Variants in NRXN3 observed in about 807,000 individuals in gnomAD.
NRXN3 encodes the protein neurexin III.
A neutral mutation model predicts 137.6 loss-of-function variants in NRXN3; 32 were observed. The ratio of observed to expected loss-of-function variants is 0.23; its 90% confidence interval spans 0.18 to 0.31. The LOEUF (loss-of-function observed/expected upper bound fraction) is 0.31, where lower values mean the gene tolerates loss of function less well. Among genes scored for constraint, NRXN3 ranks in the 10% least tolerant of loss-of-function variants. NRXN3 has a pLI of 1.00. For missense variants in NRXN3, 1,574 were observed against 2,062.5 expected, an observed-to-expected ratio of 0.76 and a Z score of 4.59; for synonymous variants, 798 against 784.5, an observed-to-expected ratio of 1.02 and a Z score of -0.29.
At chr14:78,766,634 G>C (rs1418654447) in intron 8 of NRXN3, among the ~76,000 whole-genome samples, 1 of 152,098 alleles carries the variant, frequency 6.6e-6, no homozygotes, top group East Asian at 1.9e-4. Flanking sequence ...CCTCACCTTT[G>C]TGGAAACTGA....
At chr14:78,849,717 T>G (rs907120924) in intron 10 of NRXN3, among the ~76,000 whole-genome samples, 1 of 151,648 alleles carries the variant, frequency 6.6e-6, no homozygotes, top group Non-Finnish European at 1.5e-5. Context: ...GAATTGGGGG[T>G]AGGGTGCAGG....
At chr14:79,455,556 A>G (rs908500927) in intron 15 of NRXN3, among the ~76,000 whole-genome samples, 56 of 152,278 alleles carry the variant, frequency 3.7e-4, no homozygotes, top group Admixed American at 3.5e-3. Context: ...AATGGTGTCT[A>G]TGGTCATTAG....
chr14:78,183,156 C>T (rs1345235636), intron 1 of NRXN3, among the ~76,000 whole-genome samples: 4 of 152,166 alleles, frequency 2.6e-5, no homozygotes, highest in Admixed American at 2.6e-4. Context: ...TGAAAGGAAG[C>T]TCCATTTTTC....
At chr14:78,328,349 T>A (rs2080356157) in intron 4 of NRXN3, among the ~76,000 whole-genome samples, 1 of 152,210 alleles carries the variant, frequency 6.6e-6, no homozygotes, top group Admixed American at 6.5e-5. Context: ...AGTACCCAGA[T>A]GGTAACTAAT....
intron 4 of NRXN3, among the ~76,000 whole-genome samples, chr14:78,372,511 G>A (rs2087046764): frequency 6.6e-6 from 1 of 151,994 alleles, no homozygotes; most frequent in Non-Finnish European, 1.5e-5. Flanking sequence ...ATTTTTAGTA[G>A]AGATAGGGTT....
intron 20 of NRXN3, among the ~76,000 whole-genome samples, chr14:79,854,741 A>C (rs17764956): frequency 0.21 from 31,304 of 152,146 alleles, 3,857 homozygotes; most frequent in Non-Finnish European, 0.27. Context: ...TGGTATTTGC[A>C]TCTTTTTAAA....
intron 16 of NRXN3, chr14:79,570,544 A>G (rs1215534712): frequency 6.6e-6 from 1 of 152,236 alleles, no homozygotes; most frequent in Admixed American, 6.5e-5. Flanking sequence ...TGTGCGGAAC[A>G]GACCCTGAGA....
At chr14:79,817,481 C>T (rs2099255282) in intron 20 of NRXN3, among the ~76,000 whole-genome samples, 1 of 152,210 alleles carries the variant, frequency 6.6e-6, no homozygotes, top group Non-Finnish European at 1.5e-5. Flanking sequence ...TGAATATTAG[C>T]ACTTCCTTTA....
At chr14:78,943,615 AAAAAAAATATATATAT>A (rs2099357804) in intron 10 of NRXN3, among the ~76,000 whole-genome samples, 7 of 42,498 alleles carry the variant, frequency 1.6e-4, no homozygotes, top group African/African-American at 2.5e-4. Flanking sequence ...ACTGTTAAAA[AAAAAAAATATATATAT>A]ATATATATAT....
chr14:79,322,262 T>C (rs781780209), intron 15 of NRXN3, among the ~76,000 whole-genome samples: 31 of 152,336 alleles, frequency 2.0e-4, no homozygotes, highest in Non-Finnish European at 3.4e-4. Context: ...CATGTGGCTT[T>C]GGTAGCATTT....
chr14:78,457,285 G>A (rs1304483280), intron 4 of NRXN3, among the ~76,000 whole-genome samples: 2 of 152,102 alleles, frequency 1.3e-5, no homozygotes, highest in Admixed American at 1.3e-4. Context: ...GCCCACCTTG[G>A]CCACCCAAAG....
chr14:79,031,943 C>T (rs1173387497), intron 15 of NRXN3, among the ~76,000 whole-genome samples: 3 of 152,064 alleles, frequency 2.0e-5, no homozygotes, highest in Non-Finnish European at 2.9e-5. Context: ...GTTAGGTTTT[C>T]TGAACATTCC....
At chr14:78,433,538 G>T (rs536376217) in intron 4 of NRXN3, among the ~76,000 whole-genome samples, 1 of 152,180 alleles carries the variant, frequency 6.6e-6, no homozygotes, top group African/African-American at 2.4e-5. Context: ...GAGGTGATTA[G>T]GTCACGTGGG....
intron 10 of NRXN3, among the ~76,000 whole-genome samples, chr14:78,821,258 C>T (rs968487910): frequency 1.3e-5 from 2 of 152,062 alleles, no homozygotes; most frequent in Admixed American, 1.3e-4. Flanking sequence ...TGGTGTTATC[C>T]ACAAGTGCGG....
At chr14:78,824,434 C>T (rs1012489670) in intron 10 of NRXN3, among the ~76,000 whole-genome samples, 23 of 152,324 alleles carry the variant, frequency 1.5e-4, no homozygotes, top group Admixed American at 3.3e-4. Context: ...TCTTCACCAT[C>T]TAGCACGGTG....
chr14:79,714,773 C>T (rs2154055743), intron 19 of NRXN3, among the ~76,000 whole-genome samples: 1 of 152,258 alleles, frequency 6.6e-6, no homozygotes, highest in South Asian at 2.1e-4. Flanking sequence ...TCCTCCTCAC[C>T]TGATTAGGCA....
intron 4 of NRXN3, among the ~76,000 whole-genome samples, chr14:78,516,755 A>G (rs963314020): frequency 1.3e-5 from 2 of 152,124 alleles, no homozygotes; most frequent in African/African-American, 2.4e-5. Flanking sequence ...AATATTTGAG[A>G]GATTTTTTTG....
chr14:78,171,200 G>A (rs1317486867), intron 1 of NRXN3, among the ~76,000 whole-genome samples: 1 of 145,970 alleles, frequency 6.9e-6, no homozygotes, highest in Non-Finnish European at 1.5e-5. Flanking sequence ...GAATTGACGT[G>A]TATGTGAGTG....
At chr14:79,279,905 CCT>C in intron 15 of NRXN3, 4 of 1,032,888 alleles carry the variant, frequency 3.9e-6, no homozygotes, top group Non-Finnish European at 4.6e-6. Flanking sequence ...TGCCACCTTT[CCT>C]CTGTGTGGCT....
Sources: gnomAD v4.1 joint callset for allele counts (sites outside exome capture counted in the v4.1 genomes callset) on GRCh38, gnomAD v4.1.1 for gene constraint, MANE v1.5 for transcripts, NCBI Gene and HGNC (gene_info 2026-07-23, HGNC 2026-07-21) for gene names.